Variants in COMMD1 observed in about 807,000 individuals in gnomAD.
COMMD1 encodes COMM domain-containing protein 1.
In COMMD1, 10 loss-of-function variants were observed where a neutral mutation model predicts 17.2. That is an observed-to-expected ratio of 0.58 (90% CI 0.36 to 0.99). COMMD1 has a LOEUF of 0.99. COMMD1 is among the 50% of genes least tolerant of loss of function. The pLI, the probability that COMMD1 is intolerant of heterozygous loss-of-function variation, is 0.01. For missense variants in COMMD1, 270 were observed against 231.8 expected (o/e 1.17, Z -1.07); for synonymous variants, 97 against 91.6 (o/e 1.06, Z -0.34).
At chr2:62,018,828 T>A (rs1403458011) in intron 2 of COMMD1, among the ~76,000 whole-genome samples, 1 of 152,140 alleles carries the variant, frequency 6.6e-6, no homozygotes, top group Non-Finnish European at 1.5e-5. Flanking sequence ...AGAACAGAAA[T>A]TTAATTTCTC....
At chr2:61,946,226 T>C (rs189389075) in intron 1 of COMMD1, among the ~76,000 whole-genome samples, 1 of 152,274 alleles carries the variant, frequency 6.6e-6, no homozygotes, top group East Asian at 1.9e-4. Flanking sequence ...CAGAGAGAAG[T>C]TCAGGAAAAC....
At chr2:61,979,592 C>T (rs983537560) in intron 1 of COMMD1, among the ~76,000 whole-genome samples, 2 of 152,114 alleles carry the variant, frequency 1.3e-5, no homozygotes, top group African/African-American at 4.8e-5. Flanking sequence ...CCATGTGAGC[C>T]ACCGCGCCCG....
chr2:62,131,437 G>A (rs1673030928), intron 2 of COMMD1, among the ~76,000 whole-genome samples: 1 of 152,176 alleles, frequency 6.6e-6, no homozygotes, highest in South Asian at 2.1e-4. Context: ...ACAGTAACAA[G>A]TGTTTCAGAT....
At chr2:62,019,023 T>TCCCTCCCTCCC (rs1669531579) in intron 2 of COMMD1, among the ~76,000 whole-genome samples, 1 of 129,358 alleles carries the variant, frequency 7.7e-6, no homozygotes, top group African/African-American at 3.9e-5. Context: ...ACCAACCAAC[T>TCCCTCCCTCCC]TCCCTCCCTC....
At chr2:62,073,799 A>C (rs963410473) in intron 2 of COMMD1, among the ~76,000 whole-genome samples, 2 of 152,082 alleles carry the variant, frequency 1.3e-5, no homozygotes, top group Non-Finnish European at 2.9e-5. Context: ...CCTGGGTTCA[A>C]GTGATTCTCC....
intron 2 of COMMD1, among the ~76,000 whole-genome samples, chr2:62,091,671 G>A (rs537005892): frequency 7.9e-5 from 12 of 152,336 alleles, no homozygotes; most frequent in African/African-American, 2.6e-4. Context: ...GGCAGTGTCA[G>A]TGTGGTTGGT....
intron 2 of COMMD1, among the ~76,000 whole-genome samples, chr2:62,063,884 T>TATATATATATATATAA (rs1670951539): frequency 7.8e-6 from 1 of 128,640 alleles, no homozygotes; most frequent in African/African-American, 2.9e-5. Context: ...TATATATATA[T>TATATATATATATATAA]ATATATATAT....
intron 1 of COMMD1, among the ~76,000 whole-genome samples, chr2:61,916,834 C>T (rs1316911199): frequency 6.6e-6 from 1 of 152,102 alleles, no homozygotes; most frequent in East Asian, 1.9e-4. Context: ...ACTCGAAGTT[C>T]TTTTTAGAGG....
intron 2 of COMMD1, among the ~76,000 whole-genome samples, chr2:62,102,121 G>A (rs991223240): frequency 4.6e-5 from 7 of 152,136 alleles, no homozygotes; most frequent in African/African-American, 1.4e-4. Context: ...AGCTGTGTGT[G>A]AGAAACCATA....
In COMMD1 at chr2:62,028,177, C is replaced by T. The variant is rs1295986309; in HGVS notation, c.462+27195C>T. 3.9e-5 allele frequency among the ~76,000 whole-genome samples: 6 copies of T among 152,020 alleles called. 1 individual carries two copies. The highest frequency in any genetic ancestry group is 2.0e-4 in the Admixed American group (3 of 15,246). On this transcript the variant is annotated intron_variant, in intron 2 of 2. Transcript: ENST00000311832. ...ACCCAGCTGACTTCAGTAATTGTGG[C>T]TTTTTTTAAGAATCTTTGCAGAGGA... is the stretch of plus-strand genomic sequence containing the variant.
chr2:62,068,249 G>T (rs1459006853), intron 2 of COMMD1, among the ~76,000 whole-genome samples: 2 of 152,202 alleles, frequency 1.3e-5, no homozygotes, highest in African/African-American at 2.4e-5. Context: ...GTGTTGAGGG[G>T]AGCAGGAGAC....
chr2:62,014,048 A>G (rs1669363333), intron 2 of COMMD1, among the ~76,000 whole-genome samples: 1 of 152,204 alleles, frequency 6.6e-6, no homozygotes, highest in East Asian at 1.9e-4. Context: ...TTTCTTATGT[A>G]TACTATACCC....
At chr2:62,097,194 A>T (rs1558598192) in intron 2 of COMMD1, among the ~76,000 whole-genome samples, 1 of 152,210 alleles carries the variant, frequency 6.6e-6, no homozygotes, top group Non-Finnish European at 1.5e-5. Flanking sequence ...ACAAGTCTCC[A>T]GCTTGTCCCA....
intron 1 of COMMD1, among the ~76,000 whole-genome samples, chr2:61,893,504 C>G (rs1669482592): frequency 6.6e-6 from 1 of 152,044 alleles, no homozygotes; most frequent in African/African-American, 2.4e-5. Context: ...ACTAAACTTT[C>G]ATTATTGTAG....
At chr2:62,127,487 C>A (rs1435226291) in intron 2 of COMMD1, among the ~76,000 whole-genome samples, 2 of 152,084 alleles carry the variant, frequency 1.3e-5, no homozygotes, top group Non-Finnish European at 2.9e-5. Context: ...TACTACAAGG[C>A]CACAATAACC....
At chr2:61,938,231 C>T (rs886358604) in intron 1 of COMMD1, among the ~76,000 whole-genome samples, 5 of 151,304 alleles carry the variant, frequency 3.3e-5, no homozygotes, top group African/African-American at 1.2e-4. Context: ...TGTTAATTGA[C>T]TGCAGGCCCC....
At chr2:62,079,771 AAC>A (rs1328820166) in intron 2 of COMMD1, 1 of 152,344 alleles carries the variant, frequency 6.6e-6, no homozygotes, top group East Asian at 1.9e-4. Flanking sequence ...CACTTTAAAC[AAC>A]ATCTTTCCAA....
intron 2 of COMMD1, among the ~76,000 whole-genome samples, chr2:62,023,649 A>G (rs1200681188): frequency 1.3e-5 from 2 of 152,034 alleles, no homozygotes; most frequent in Non-Finnish European, 2.9e-5. Flanking sequence ...ACGCTTGGCT[A>G]ATTTTTTGTA....
At chr2:62,071,826 C>G (rs1016624377) in intron 2 of COMMD1, among the ~76,000 whole-genome samples, 2 of 152,070 alleles carry the variant, frequency 1.3e-5, no homozygotes, top group African/African-American at 4.8e-5. Context: ...TACCCCCTCC[C>G]TTTTGGAGTT....
Sources: allele counts gnomAD v4.1 joint callset (sites outside exome capture counted in the v4.1 genomes callset), GRCh38; gene constraint gnomAD v4.1.1; transcripts MANE v1.5; gene names NCBI Gene and HGNC (gene_info 2026-07-23, HGNC 2026-07-21).